INPP4B: variants seen among roughly 807,000 people sequenced by gnomAD.
INPP4B encodes the protein inositol polyphosphate 4-phosphatase type II.
A neutral mutation model predicts 122.5 loss-of-function variants in INPP4B; 55 were observed. The ratio of observed to expected loss-of-function variants is 0.45; its 90% CI spans 0.36 to 0.56. The LOEUF is 0.56. Ranked by LOEUF, INPP4B falls within the 20% of genes least tolerant of loss-of-function variation. The pLI, the probability that INPP4B is intolerant of heterozygous loss-of-function variation, is 0.00. For synonymous variants in INPP4B, 403 were observed against 388.7 expected, an observed-to-expected ratio of 1.04 and a Z score of -0.43; for missense variants, 1,000 against 1,097.7, an observed-to-expected ratio of 0.91 and a Z score of 1.26.
intron 2 of INPP4B, among the ~76,000 whole-genome samples, chr4:142,623,236 C>T (rs1360881390): frequency 1.3e-5 from 2 of 151,928 alleles, no homozygotes; most frequent in African/African-American, 4.8e-5. Context: ...CAGTCTGACA[C>T]CGTCCATTTC....
At chr4:142,754,633 G>A (rs1433645470) in intron 1 of INPP4B, among the ~76,000 whole-genome samples, 1 of 151,922 alleles carries the variant, frequency 6.6e-6, no homozygotes, top group Non-Finnish European at 1.5e-5. Flanking sequence ...GGGTATGGGG[G>A]TTCTTGTACT....
chr4:142,532,768 A>G (rs900472067), intron 2 of INPP4B, among the ~76,000 whole-genome samples: 1 of 152,218 alleles, frequency 6.6e-6, no homozygotes, highest in African/African-American at 2.4e-5. Flanking sequence ...ACTATGCTCA[A>G]CATGTAGATA....
chr4:142,701,749 G>A (rs1238060611), intron 2 of INPP4B, among the ~76,000 whole-genome samples: 2 of 152,046 alleles, frequency 1.3e-5, no homozygotes, highest in African/African-American at 4.8e-5. Flanking sequence ...CGACTATGGA[G>A]AGCCTGAAAA....
At chr4:142,431,012 G>T (rs1809183026) in intron 4 of INPP4B, among the ~76,000 whole-genome samples, 157 bp downstream of exon 4, 1 of 152,066 alleles carries the variant, frequency 6.6e-6, no homozygotes, top group Non-Finnish European at 1.5e-5. Flanking sequence ...TGCCACCAAG[G>T]TAAATAGTGC....
Position 142,179,325 on chromosome 4 carries a change from T to C in INPP4B, c.1182-5516A>G, listed in dbSNP as rs111798848. 3.0e-3 allele frequency among the ~76,000 whole-genome samples: 458 copies of C among 151,812 alleles called. 2 individuals are homozygous for C. Among genetic ancestry groups the C allele is most frequent in the African/African-American group, 0.01 (424 of 41,390 alleles). ...CTGTCTCTACTAAAATACAAAAAATTAGCCAGGTGTGGCAGCATGCACCTG... is the reference window on the plus strand; with the variant it reads ...CTGTCTCTACTAAAATACAAAAAATCAGCCAGGTGTGGCAGCATGCACCTG... On this transcript the variant is annotated intron_variant, in intron 15 of 25. Transcript: ENST00000262992.
At chr4:142,070,867 C>T (rs1032067584) in intron 25 of INPP4B, among the ~76,000 whole-genome samples, 3 of 152,244 alleles carry the variant, frequency 2.0e-5, no homozygotes, top group East Asian at 3.9e-4. Context: ...ACATTCCATG[C>T]TCATGGATAG....
At chr4:142,645,832 T>C (rs988129117) in intron 2 of INPP4B, among the ~76,000 whole-genome samples, 4 of 152,184 alleles carry the variant, frequency 2.6e-5, no homozygotes, top group Middle Eastern at 3.2e-3. Context: ...ACTGTAAGCA[T>C]TGACTCATCT....
chr4:142,502,588 A>G (rs1367124515), intron 2 of INPP4B, among the ~76,000 whole-genome samples: 1 of 152,106 alleles, frequency 6.6e-6, no homozygotes, highest in Non-Finnish European at 1.5e-5. Context: ...TCCTGGGTTC[A>G]AGAGATTCTC....
intron 1 of INPP4B, among the ~76,000 whole-genome samples, chr4:142,772,921 C>G (rs995288635): frequency 1.3e-5 from 2 of 152,024 alleles, no homozygotes; most frequent in Non-Finnish European, 2.9e-5. Flanking sequence ...TGGCACACAC[C>G]TTTAATCCCA....
intron 14 of INPP4B, among the ~76,000 whole-genome samples, chr4:142,200,306 C>CCA (rs1840116193): frequency 2.0e-5 from 3 of 151,900 alleles, no homozygotes; most frequent in Non-Finnish European, 4.4e-5. Context: ...CTTTCTAGAG[C>CCA]CACAAGATGC....
chr4:142,580,981 C>G (rs1400455660), intron 2 of INPP4B, among the ~76,000 whole-genome samples: 1 of 151,974 alleles, frequency 6.6e-6, no homozygotes, highest in East Asian at 1.9e-4. Flanking sequence ...ATCCTTAGAG[C>G]AAAGTGTAAC....
chr4:142,753,286 A>G (rs1054571987), intron 1 of INPP4B, among the ~76,000 whole-genome samples: 4 of 152,076 alleles, frequency 2.6e-5, no homozygotes, highest in Admixed American at 6.6e-5. Context: ...TACATGGAGG[A>G]GTGGTCAAAA....
At chr4:142,358,221 C>T (rs1333248836) in intron 7 of INPP4B, among the ~76,000 whole-genome samples, 1 of 151,872 alleles carries the variant, frequency 6.6e-6, no homozygotes, top group Non-Finnish European at 1.5e-5. Context: ...GGCAATACTG[C>T]CTAAACATCA....
intron 7 of INPP4B, among the ~76,000 whole-genome samples, chr4:142,400,173 G>A (rs992992345): frequency 2.6e-5 from 4 of 152,124 alleles, no homozygotes; most frequent in South Asian, 2.1e-4. Flanking sequence ...GCAAAGTAAC[G>A]TGTTTATTTC....
chr4:142,192,412 G>T (rs1474357215), intron 15 of INPP4B, among the ~76,000 whole-genome samples: 1 of 144,380 alleles, frequency 6.9e-6, no homozygotes, highest in Non-Finnish European at 1.5e-5. Flanking sequence ...TTCATACCTG[G>T]ATAATGCACT....
At chr4:142,060,597 G>A (rs1432968473) in intron 25 of INPP4B, among the ~76,000 whole-genome samples, 2 of 152,272 alleles carry the variant, frequency 1.3e-5, no homozygotes, top group East Asian at 3.9e-4. Context: ...TAGCTGTAAG[G>A]CCTTTTGCAT....
chr4:142,349,096 G>A (rs554668152), intron 7 of INPP4B, among the ~76,000 whole-genome samples: 47 of 152,094 alleles, frequency 3.1e-4, no homozygotes, highest in African/African-American at 1.1e-3. Context: ...CTGTTTAGTA[G>A]CCAAGATCAT....
intron 21 of INPP4B, among the ~76,000 whole-genome samples, chr4:142,113,570 T>C (rs1791356839): frequency 6.6e-6 from 1 of 152,012 alleles, no homozygotes; most frequent in East Asian, 1.9e-4. Context: ...CTGAGACTTG[T>C]TTCTTTCTAC....
intron 2 of INPP4B, among the ~76,000 whole-genome samples, chr4:142,660,206 G>A (rs1157321478): frequency 1.3e-5 from 2 of 152,118 alleles, no homozygotes; most frequent in African/African-American, 2.4e-5. Flanking sequence ...CACTTCATGG[G>A]TACAAGCTGC....
Sources: gnomAD v4.1 joint callset for allele counts (sites outside exome capture counted in the v4.1 genomes callset) on GRCh38, gnomAD v4.1.1 for gene constraint, MANE v1.5 for transcripts, NCBI Gene and HGNC (gene_info 2026-07-23, HGNC 2026-07-21) for gene names.